Variants in SLC25A13 observed in about 807,000 individuals in gnomAD.
SLC25A13 encodes the protein electrogenic aspartate/glutamate antiporter SLC25A13, mitochondrial.
A neutral mutation model predicts 85.5 loss-of-function variants in SLC25A13; 70 were observed. The ratio of observed to expected loss-of-function variants is 0.82; its 90% CI spans 0.68 to 1.00. The LOEUF is 1.00. SLC25A13 is among the 50% of genes least tolerant of loss of function. The probability of loss-of-function intolerance (pLI) is 0.00; values close to 1 mark genes in which losing one functional copy is unlikely to be tolerated. For missense variants in SLC25A13, 765 were observed against 819.8 expected, an observed-to-expected ratio of 0.93 and a Z score of 0.82; for synonymous variants, 259 against 288.7, an observed-to-expected ratio of 0.90 and a Z score of 1.04.
At chr7:96,121,496 T>C in intron 17 of SLC25A13, 119 bp from the exon 18 acceptor site, 1 of 1,383,654 alleles carries the variant, frequency 7.2e-7, no homozygotes, top group Non-Finnish European at 1.0e-6. Context: ...TTCTCATCAG[T>C]TGTATGTTCC....
At chr7:96,249,996 C>T (rs928489436) in intron 3 of SLC25A13, among the ~76,000 whole-genome samples, 3 of 151,952 alleles carry the variant, frequency 2.0e-5, no homozygotes, top group Non-Finnish European at 2.9e-5. Flanking sequence ...CTAACCTAGC[C>T]AACATGGTGA....
At chr7:96,264,795 C>T (rs1431913259) in intron 3 of SLC25A13, among the ~76,000 whole-genome samples, 3 of 151,816 alleles carry the variant, frequency 2.0e-5, no homozygotes, top group Non-Finnish European at 4.4e-5. Flanking sequence ...GCGATCCTCC[C>T]GCCTCAGCCT....
At chr7:96,282,299 C>T (rs1370704952) in intron 2 of SLC25A13, among the ~76,000 whole-genome samples, 4 of 152,134 alleles carry the variant, frequency 2.6e-5, no homozygotes, top group African/African-American at 4.8e-5. Flanking sequence ...GGGGTCCTAT[C>T]TGGCCTGCTC....
chr7:96,254,110 C>T (rs1162873511), intron 3 of SLC25A13, among the ~76,000 whole-genome samples: 3 of 152,064 alleles, frequency 2.0e-5, no homozygotes, highest in African/African-American at 7.2e-5. Context: ...TGTGTTACCT[C>T]GATAGCAACA....
chr7:96,198,391 C>T (rs1457883875), intron 5 of SLC25A13, among the ~76,000 whole-genome samples: 2 of 152,186 alleles, frequency 1.3e-5, no homozygotes, highest in African/African-American at 2.4e-5. Context: ...TCATTCTGAA[C>T]TAGCCACAGG....
At chr7:96,293,377 C>A (rs1006792856) in intron 2 of SLC25A13, among the ~76,000 whole-genome samples, 2 of 152,052 alleles carry the variant, frequency 1.3e-5, no homozygotes, top group African/African-American at 4.8e-5. Flanking sequence ...GGGCAAGGAC[C>A]TCATGTCTAA....
At chr7:96,275,607 C>T (rs996274258) in intron 3 of SLC25A13, among the ~76,000 whole-genome samples, 8 of 152,072 alleles carry the variant, frequency 5.3e-5, no homozygotes, top group Non-Finnish European at 1.0e-4. Flanking sequence ...AAGCTGGAAA[C>T]CATCATTCTC....
intron 11 of SLC25A13, among the ~76,000 whole-genome samples, chr7:96,178,497 A>G: frequency 6.6e-6 from 1 of 151,632 alleles, no homozygotes; most frequent in Non-Finnish European, 1.5e-5. Flanking sequence ...TCCAGAAGAC[A>G]CCCCTATTCC....
chr7:96,259,151 T>C (rs1421774755), intron 3 of SLC25A13, among the ~76,000 whole-genome samples: 2 of 152,116 alleles, frequency 1.3e-5, no homozygotes, highest in Non-Finnish European at 2.9e-5. Flanking sequence ...CATAGGCATA[T>C]GCAAAGACTT....
intron 9 of SLC25A13, among the ~76,000 whole-genome samples, chr7:96,187,655 T>A (rs1794690180): frequency 6.6e-6 from 1 of 152,208 alleles, no homozygotes; most frequent in South Asian, 2.1e-4. Context: ...TTAATTCCTC[T>A]CCTAAAAGAC....
At chr7:96,160,974 ATTT>A (rs5885943) in intron 13 of SLC25A13, among the ~76,000 whole-genome samples, 1,864 of 135,494 alleles carry the variant, frequency 0.014, 29 homozygotes, top group African/African-American at 0.047. Context: ...TGAGGTTAGC[ATTT>A]TTTTTTTTTT....
At chr7:96,192,387 T>C (rs1362180806) in intron 6 of SLC25A13, among the ~76,000 whole-genome samples, 5 of 152,204 alleles carry the variant, frequency 3.3e-5, no homozygotes. Context: ...AGATGGTGTA[T>C]GATAGGCCTA....
intron 4 of SLC25A13, among the ~76,000 whole-genome samples, chr7:96,232,319 A>G (rs1760993435): frequency 6.6e-6 from 1 of 152,188 alleles, no homozygotes; most frequent in Admixed American, 6.5e-5. Flanking sequence ...CATTATCCTT[A>G]GCAAACTAAT....
intron 3 of SLC25A13, among the ~76,000 whole-genome samples, chr7:96,235,828 T>G (rs1752933033): frequency 6.6e-6 from 1 of 152,150 alleles, no homozygotes. Context: ...GGTCAAAATG[T>G]GGGTCAAATC....
At chr7:96,135,992 T>C (rs1792270663) in intron 14 of SLC25A13, among the ~76,000 whole-genome samples, 1 of 151,898 alleles carries the variant, frequency 6.6e-6, no homozygotes, top group Non-Finnish European at 1.5e-5. Flanking sequence ...TACAATCATC[T>C]AATCTCTCTA....
chr7:96,231,637 C>A (rs1324465756), intron 4 of SLC25A13, among the ~76,000 whole-genome samples: 3 of 151,698 alleles, frequency 2.0e-5, no homozygotes, highest in Non-Finnish European at 4.4e-5. Flanking sequence ...GGCAGGAGAA[C>A]TGCTTGAACC....
chr7:96,224,755 T>A (rs1796268087), intron 4 of SLC25A13, among the ~76,000 whole-genome samples: 1 of 152,214 alleles, frequency 6.6e-6, no homozygotes, highest in South Asian at 2.1e-4. Context: ...CTTTACTTCA[T>A]GAAAAATATT....
intron 14 of SLC25A13, among the ~76,000 whole-genome samples, chr7:96,136,528 A>G (rs1414745113): frequency 6.6e-6 from 1 of 152,112 alleles, no homozygotes; most frequent in Non-Finnish European, 1.5e-5. Flanking sequence ...GCAATTTCCG[A>G]TGTCTCTTTT....
intron 9 of SLC25A13, among the ~76,000 whole-genome samples, chr7:96,188,138 G>C (rs180908662): frequency 6.6e-6 from 1 of 152,282 alleles, no homozygotes; most frequent in Non-Finnish European, 1.5e-5. Context: ...GCATACAGAC[G>C]AAGAGATAAT....
Sources: gnomAD v4.1 joint callset for allele counts (sites outside exome capture counted in the v4.1 genomes callset) on GRCh38, gnomAD v4.1.1 for gene constraint, MANE v1.5 for transcripts, NCBI Gene and HGNC (gene_info 2026-07-23, HGNC 2026-07-21) for gene names.